The following NCAM1 variants were observed in gnomAD, a reference collection of about 807,000 sequenced individuals.
NCAM1 encodes antigen recognized by monoclonal antibody 5.1H11.
Under a neutral mutation model 109.8 loss-of-function variants are expected in NCAM1, and 14 were observed. The ratio of observed to expected loss-of-function variants is 0.13; its 90% CI spans 0.08 to 0.20. The LOEUF (loss-of-function observed/expected upper bound fraction) is 0.20, where lower values mean the gene tolerates loss of function less well. Ranked by LOEUF, NCAM1 falls within the 10% of genes least tolerant of loss-of-function variation. NCAM1 has a pLI of 1.00. For synonymous variants in NCAM1, 418 were observed against 442.9 expected, an observed-to-expected ratio of 0.94 and a Z score of 0.70; for missense variants, 774 against 1,109.9, an observed-to-expected ratio of 0.70 and a Z score of 4.30.
intron 1 of NCAM1, among the ~76,000 whole-genome samples, chr11:113,013,297 G>A (rs537923880): frequency 1.8e-4 from 28 of 151,702 alleles, no homozygotes; most frequent in Non-Finnish European, 3.2e-4. Flanking sequence ...ATGATGGCGC[G>A]TGCCTATAAT....
At chr11:113,046,750 A>G (rs1555080907) in intron 1 of NCAM1, among the ~76,000 whole-genome samples, 1 of 152,062 alleles carries the variant, frequency 6.6e-6, no homozygotes, top group African/African-American at 2.4e-5. Context: ...AGAAAGATAA[A>G]TGGATGAAAG....
chr11:113,192,271 G>A (rs1555110015), intron 1 of NCAM1, among the ~76,000 whole-genome samples: 1 of 152,104 alleles, frequency 6.6e-6, no homozygotes, highest in South Asian at 2.1e-4. Flanking sequence ...ATCTTATCAG[G>A]GCAGATTGAT....
chr11:112,984,750 T>A (rs531548168), intron 1 of NCAM1, among the ~76,000 whole-genome samples: 2 of 147,798 alleles, frequency 1.4e-5, no homozygotes, highest in East Asian at 3.9e-4. Flanking sequence ...GGTTTATTCA[T>A]TTTTTTTTGC....
At chr11:112,993,723 C>T (rs577952278) in intron 1 of NCAM1, among the ~76,000 whole-genome samples, 1 of 152,262 alleles carries the variant, frequency 6.6e-6, no homozygotes, top group Admixed American at 6.5e-5. Flanking sequence ...GAAAACTGTA[C>T]TTTTTACATT....
At position 113,214,488 on chromosome 11, in the gene NCAM1, C is replaced by T. The variant is rs781794964; in HGVS notation, c.1036C>T (p.Arg346Trp). 55 of 1,610,786 alleles carry T rather than the reference C, an allele frequency of 3.4e-5. No individual in the cohort carries two copies. In the East Asian group the frequency reaches 3.8e-4, roughly 11 times the overall value. ...IPSITWRTST[R>W]NISSEEKASW... is the part of the protein sequence containing the mutation. ...CTCCATCACCTGGAGGACTTCTACCCGGAACATCAGCAGCGAAGAAAAGGT... is the reference window on the plus strand; with the variant it reads ...CTCCATCACCTGGAGGACTTCTACCTGGAACATCAGCAGCGAAGAAAAGGT... Residue 346 changes from arginine (R) to tryptophan (W), a missense_variant, in exon 8 of 20, where the codon CGG (arginine) becomes TGG (tryptophan). Arg to Trp is a moderately radical substitution (Grantham distance 101). Around this residue, in one of 4 missense-constraint regions of NCAM1, gnomAD observed 523 missense variants for 784.2 expected, o/e 0.67. Coordinates refer to ENST00000316851, the MANE Select transcript of NCAM1 (RefSeq NM_181351.5).
rs1946347472 is a variant in NCAM1 at position 113,273,803 on chromosome 11, T to C, written c.2457-1464T>C. On this transcript the variant is annotated intron_variant, in intron 19 of 19. Transcript: ENST00000316851. This position sits in a 1 kb window ranked among gnomAD's most constrained non-coding sequence, Gnocchi z 6.0. ...GGTTGTGTCCTGTGGTGGTGTGCATTTGTGCTGTGCTGTGTCCTCCTTGTT... is the reference window on the plus strand; with the variant it reads ...GGTTGTGTCCTGTGGTGGTGTGCATCTGTGCTGTGCTGTGTCCTCCTTGTT... 5 of 375,480 alleles carry C rather than the reference T, an allele frequency of 1.3e-5. No homozygotes were observed. Among genetic ancestry groups the C allele is most frequent in the South Asian group, 9.7e-5 (5 of 51,726 alleles). 23.3% of individuals were successfully genotyped at this position (375,480 alleles called of 1,614,324 possible).
rs79778663 is a variant in NCAM1 at position 113,170,988 on chromosome 11, T to G, written c.53-31391T>G. ...AAAGTAAAATACAGTGACTTGATCT[T>G]TAGGGGTCTTGCTTTCTGTGGGAAG... On this transcript the variant is annotated intron_variant, in intron 1 of 19. Transcript: ENST00000316851. Among the ~76,000 whole-genome samples, 367 of 152,270 alleles carry G rather than the reference T, an allele frequency of 2.4e-3. 9 individuals carry two copies. The East Asian group carries it at 0.041, about 17-fold the overall frequency.
At chr11:113,049,397 G>A (rs1953386538) in intron 1 of NCAM1, among the ~76,000 whole-genome samples, 1 of 152,104 alleles carries the variant, frequency 6.6e-6, no homozygotes, top group Non-Finnish European at 1.5e-5. Context: ...TGAAACTCAT[G>A]GATCAAGGCC....
At chr11:113,112,162 C>T (rs1940475567) in intron 1 of NCAM1, among the ~76,000 whole-genome samples, 1 of 152,208 alleles carries the variant, frequency 6.6e-6, no homozygotes, top group East Asian at 1.9e-4. Flanking sequence ...AGGGCTAAGG[C>T]AGGACCAACC....
chr11:112,989,240 G>T (rs1370996088), intron 1 of NCAM1, among the ~76,000 whole-genome samples: 5 of 152,040 alleles, frequency 3.3e-5, no homozygotes, highest in African/African-American at 7.2e-5. Flanking sequence ...CCCATAACTT[G>T]TATATTTGTA....
At chr11:113,079,376 C>T (rs780880837) in intron 1 of NCAM1, among the ~76,000 whole-genome samples, 13 of 152,252 alleles carry the variant, frequency 8.5e-5, no homozygotes, top group East Asian at 3.9e-4. Context: ...GAGCTGTGCC[C>T]GCAGTGACCC....
chr11:113,200,445 G>C lies in NCAM1; in HGVS notation c.53-1934G>C, dbSNP rs558996438. ...TCTGTTAAGGGATAGTGAATCCAAG[G>C]GTTGTTACTTGGGGTTCCCAGATGG... On this transcript the variant is annotated intron_variant, in intron 1 of 19. Transcript: ENST00000316851. 1.4e-4 allele frequency among the ~76,000 whole-genome samples: 22 copies of C among 152,296 alleles called. No homozygotes were observed. In the South Asian group the frequency reaches 4.6e-3, roughly 32 times the overall value.
intron 17 of NCAM1, chr11:113,265,160 A>G: frequency 1.0e-6 from 1 of 985,280 alleles, no homozygotes. Flanking sequence ...TGAAGTTTAC[A>G]CCTTTGCATT....
At chr11:112,992,702 T>A (rs1485316824) in intron 1 of NCAM1, among the ~76,000 whole-genome samples, 2 of 151,628 alleles carry the variant, frequency 1.3e-5, no homozygotes, top group Non-Finnish European at 2.9e-5. Context: ...AGAGACGGGG[T>A]TTCACTGCAT....
intron 1 of NCAM1, among the ~76,000 whole-genome samples, chr11:113,059,508 T>A (rs1179369587): frequency 1.3e-5 from 2 of 152,210 alleles, no homozygotes; most frequent in Non-Finnish European, 2.9e-5. Context: ...ACCTCCATGC[T>A]CTTTGGCATC....
At chr11:113,260,372 A>G in intron 17 of NCAM1, 49 bp downstream of exon 17, 1 of 1,578,052 alleles carries the variant, frequency 6.3e-7, no homozygotes, top group Non-Finnish European at 8.6e-7. Context: ...ATTAATGCAC[A>G]AGTGCTGCAC....
rs1555125076 is a variant in NCAM1 at position 113,270,415 on chromosome 11, C to T, written c.2339+20C>T. ...CTTCTCGTGAGTGCAGACCTGTCCA[C>T]CTTGCTGAGGTTTGGGCTCTGCTCC... On this transcript the variant is annotated intron_variant, in intron 18 of 19. Coordinates refer to ENST00000316851, the MANE Select transcript of NCAM1 (RefSeq NM_181351.5). The T allele has an allele frequency of 2.5e-6, 4 of 1,612,804 alleles. No individual in the cohort carries two copies. Among genetic ancestry groups the T allele is most frequent in the African/African-American group, 2.7e-5 (2 of 74,918 alleles).
At chr11:112,975,205 T>C (rs1475947244) in intron 1 of NCAM1, among the ~76,000 whole-genome samples, 7 of 152,024 alleles carry the variant, frequency 4.6e-5, no homozygotes, top group African/African-American at 1.4e-4. Flanking sequence ...CCACATTTCT[T>C]TGATAGAAAG....
intron 1 of NCAM1, among the ~76,000 whole-genome samples, chr11:113,061,486 G>A (rs1024523946): frequency 2.0e-5 from 3 of 152,264 alleles, no homozygotes; most frequent in Middle Eastern, 3.4e-3. Context: ...CTCTTAAATA[G>A]TTAAGAGGAG....
Sources: gnomAD v4.1 joint callset for allele counts (sites outside exome capture counted in the v4.1 genomes callset) on GRCh38, gnomAD v4.1.1 for gene constraint, gnomAD v4.1.1 regional missense constraint, Gnocchi (gnomAD v3.1) non-coding constraint, MANE v1.5 for transcripts, NCBI Gene and HGNC (gene_info 2026-07-23, HGNC 2026-07-21) for gene names.